ROBO2: variants seen among roughly 807,000 people sequenced by gnomAD.
ROBO2 encodes roundabout homolog 2.
Under a neutral mutation model 160.8 loss-of-function variants are expected in ROBO2, and 53 were observed. The ratio of observed to expected loss-of-function variants is 0.33; its 90% CI spans 0.26 to 0.41. ROBO2 has a LOEUF of 0.41. Among genes scored for constraint, ROBO2 ranks in the 10% least tolerant of loss-of-function variants. ROBO2 has a pLI of 1.00. For missense variants in ROBO2, 1,577 were observed against 1,722.4 expected (o/e 0.92, Z 1.49); for synonymous variants, 664 against 611.7 (o/e 1.09, Z -1.26).
At chr3:77,185,049 T>C (rs116584398) in intron 2 of ROBO2, among the ~76,000 whole-genome samples, 11,403 of 152,004 alleles carry the variant, frequency 0.075, 486 homozygotes, top group African/African-American at 0.11. Flanking sequence ...AAAACAGATT[T>C]GGCAAAATTT....
chr3:77,547,954 C>T (rs1167897150), intron 7 of ROBO2, among the ~76,000 whole-genome samples: 3 of 151,848 alleles, frequency 2.0e-5, no homozygotes, highest in Non-Finnish European at 4.4e-5. Context: ...CACATACACA[C>T]ACACTTAGAC....
chr3:76,363,203 A>G (rs888522030), intron 2 of ROBO2, among the ~76,000 whole-genome samples: 5 of 151,976 alleles, frequency 3.3e-5, no homozygotes, highest in African/African-American at 1.2e-4. Flanking sequence ...AAGTATACAC[A>G]CACACACAGG....
intron 2 of ROBO2, among the ~76,000 whole-genome samples, chr3:77,342,158 A>C (rs1264155292): frequency 1.3e-5 from 2 of 152,196 alleles, no homozygotes; most frequent in African/African-American, 4.8e-5. Context: ...AACCCTTTTC[A>C]TGAAAATTTG....
intron 2 of ROBO2, among the ~76,000 whole-genome samples, chr3:76,252,967 T>G (rs1706129565): frequency 6.6e-6 from 1 of 152,032 alleles, no homozygotes; most frequent in South Asian, 2.1e-4. Flanking sequence ...AATTTGCTGT[T>G]AAGGTTTTGA....
At chr3:76,373,715 G>C (rs1032603064) in intron 2 of ROBO2, among the ~76,000 whole-genome samples, 4 of 151,928 alleles carry the variant, frequency 2.6e-5, no homozygotes, top group Admixed American at 6.6e-5. Flanking sequence ...GCATCAGCTG[G>C]TTTATGACAT....
chr3:76,085,005 T>G (rs2068958478), intron 2 of ROBO2, among the ~76,000 whole-genome samples: 1 of 152,158 alleles, frequency 6.6e-6, no homozygotes, highest in Admixed American at 6.6e-5. Context: ...TGCAACCTCA[T>G]GTAACACCTG....
At chr3:76,567,162 T>G (rs1014248337) in intron 2 of ROBO2, among the ~76,000 whole-genome samples, 11 of 151,974 alleles carry the variant, frequency 7.2e-5, no homozygotes, top group African/African-American at 2.4e-4. Flanking sequence ...AAGGCAAAAG[T>G]CCACCATTTT....
intron 7 of ROBO2, among the ~76,000 whole-genome samples, chr3:77,548,411 A>G (rs769266988): frequency 7.9e-5 from 12 of 152,056 alleles, no homozygotes; most frequent in Non-Finnish European, 1.5e-4. Flanking sequence ...TTGCATACTC[A>G]CACTTTAAAT....
intron 2 of ROBO2, among the ~76,000 whole-genome samples, chr3:76,551,228 T>C (rs1178425414): frequency 1.3e-5 from 2 of 152,092 alleles, no homozygotes; most frequent in Admixed American, 6.5e-5. Flanking sequence ...AGGAAGGAGC[T>C]GCCCACTTTG....
chr3:76,430,749 A>G (rs1159369250), intron 2 of ROBO2, among the ~76,000 whole-genome samples: 1 of 152,070 alleles, frequency 6.6e-6, no homozygotes, highest in African/African-American at 2.4e-5. Flanking sequence ...CCAGCGTTTA[A>G]CTCAGTACTT....
intron 2 of ROBO2, among the ~76,000 whole-genome samples, chr3:76,807,026 A>G (rs575662727): frequency 7.1e-4 from 108 of 152,168 alleles, no homozygotes; most frequent in South Asian, 1.9e-3. Flanking sequence ...ACGTTTCTCT[A>G]CACCAAAAGT....
intron 2 of ROBO2, among the ~76,000 whole-genome samples, chr3:77,423,264 C>T (rs1169205152): frequency 6.6e-6 from 1 of 152,018 alleles, no homozygotes; most frequent in Non-Finnish European, 1.5e-5. Flanking sequence ...ATTACTATGT[C>T]ATATTAATTG....
At chr3:76,063,484 A>G (rs1230141029) in intron 2 of ROBO2, among the ~76,000 whole-genome samples, 2 of 151,512 alleles carry the variant, frequency 1.3e-5, no homozygotes, top group African/African-American at 2.4e-5. Context: ...AGCTGGGACT[A>G]CAGGTGTTGC....
intron 2 of ROBO2, among the ~76,000 whole-genome samples, chr3:76,965,788 T>TATATATATATATAC (rs1491023998): frequency 1.1e-5 from 1 of 88,572 alleles, no homozygotes; most frequent in African/African-American, 3.7e-5. Context: ...TGTTTGTGTA[T>TATATATATATATAC]ATATATATAT....
intron 2 of ROBO2, among the ~76,000 whole-genome samples, chr3:76,996,305 G>T (rs1044118971): frequency 6.6e-6 from 1 of 152,068 alleles, no homozygotes; most frequent in African/African-American, 2.4e-5. Flanking sequence ...TGTCCCATTG[G>T]TCTATATCTC....
chr3:76,747,763 G>C (rs2093917725), intron 2 of ROBO2, among the ~76,000 whole-genome samples: 1 of 151,572 alleles, frequency 6.6e-6, no homozygotes, highest in Non-Finnish European at 1.5e-5. Context: ...GTCCTTGTCA[G>C]TATTCTATAT....
At chr3:76,056,268 G>C (rs528707322) in intron 2 of ROBO2, among the ~76,000 whole-genome samples, 1 of 152,046 alleles carries the variant, frequency 6.6e-6, no homozygotes, top group Non-Finnish European at 1.5e-5. Flanking sequence ...ATTCTGAGGA[G>C]GGTCCTAGAA....
intron 2 of ROBO2, among the ~76,000 whole-genome samples, chr3:76,037,576 G>A (rs915758716): frequency 6.6e-6 from 1 of 151,792 alleles, no homozygotes; most frequent in Non-Finnish European, 1.5e-5. Context: ...CAATCATACT[G>A]CTTTACTCAG....
intron 2 of ROBO2, among the ~76,000 whole-genome samples, chr3:76,580,760 AAT>A (rs1264798213): frequency 6.6e-6 from 1 of 152,182 alleles, no homozygotes; most frequent in African/African-American, 2.4e-5. Context: ...TTTGTTTGAT[AAT>A]ATGTTTCTAG....
Sources: gnomAD v4.1 joint callset for allele counts (sites outside exome capture counted in the v4.1 genomes callset) on GRCh38, gnomAD v4.1.1 for gene constraint, MANE v1.5 for transcripts, NCBI Gene and HGNC (gene_info 2026-07-23, HGNC 2026-07-21) for gene names.